Variants in INPP4B observed in about 807,000 individuals in gnomAD.
INPP4B encodes the protein inositol polyphosphate 4-phosphatase type II.
In INPP4B, 55 loss-of-function variants were observed where a neutral mutation model predicts 122.5. That is an observed-to-expected ratio of 0.45 (90% CI 0.36 to 0.56). INPP4B has a LOEUF of 0.56. Ranked by LOEUF, INPP4B falls within the 20% of genes least tolerant of loss-of-function variation. The pLI is 0.00. For synonymous variants in INPP4B, 403 were observed against 388.7 expected (o/e 1.04, Z -0.43); for missense variants, 1,000 against 1,097.7 (o/e 0.91, Z 1.26).
rs760618443 is a variant in INPP4B at position 142,123,297 on chromosome 4, G to A, written c.2012C>T (p.Thr671Ile). ...TGTACTAAAGCAATACTCACTGTAT[G>A]TACTTAGCAGTCCTTCATATTGTAC... is the stretch of plus-strand genomic sequence containing the variant. ...LIVQYEGLLS[T>I]YSDEIGMLED... The change falls in exon 20 of 26, where the codon ACA becomes ATA. Residue 671 changes from threonine (T) to isoleucine (I), a missense_variant. By Grantham distance (89) the Thr-to-Ile change is moderately conservative. Transcript: ENST00000262992. 4 of 1,610,174 alleles carry A rather than the reference G, an allele frequency of 2.5e-6. No individual in the cohort carries two copies. The African/African-American group carries it at 5.4e-5, about 22-fold the overall frequency.
intron 7 of INPP4B, among the ~76,000 whole-genome samples, chr4:142,354,777 G>A (rs749749639): frequency 2.0e-5 from 3 of 152,006 alleles, no homozygotes; most frequent in African/African-American, 7.2e-5. Context: ...GGAAAATTCT[G>A]CCTTCGCATA....
At chr4:142,249,886 G>A (rs1731088882) in intron 11 of INPP4B, among the ~76,000 whole-genome samples, 1 of 152,132 alleles carries the variant, frequency 6.6e-6, no homozygotes, top group Admixed American at 6.5e-5. Flanking sequence ...ATACAGTCAA[G>A]ATTCACTTCC....
intron 2 of INPP4B, among the ~76,000 whole-genome samples, chr4:142,536,795 T>A (rs1828248307): frequency 6.6e-6 from 1 of 152,060 alleles, no homozygotes; most frequent in African/African-American, 2.4e-5. Context: ...GGACAACCGT[T>A]CTTTTTTTCT....
chr4:142,038,622 G>C lies in INPP4B; in HGVS notation c.2643-9708C>G, dbSNP rs533891719. 9.1e-4 allele frequency among the ~76,000 whole-genome samples: 138 copies of C among 152,284 alleles called. 1 individual carries two copies. The South Asian group carries it at 0.011, about 12-fold the overall frequency. On this transcript the variant is annotated intron_variant, in intron 25 of 25. Coordinates refer to ENST00000262992, the MANE Select transcript of INPP4B (RefSeq NM_001101669.3). ...ACCAGAGCATGGTAACAAAGGTAATGATAGTGGGGTTTGGGAAACCTGGCA... is the reference window on the plus strand; with the variant it reads ...ACCAGAGCATGGTAACAAAGGTAATCATAGTGGGGTTTGGGAAACCTGGCA...
intron 2 of INPP4B, among the ~76,000 whole-genome samples, chr4:142,533,849 C>T (rs1827896070): frequency 6.6e-6 from 1 of 152,192 alleles, no homozygotes. Context: ...TGGTAGTCAT[C>T]AGTGCAAGTT....
At chr4:142,412,337 T>G (rs1174710664) in intron 5 of INPP4B, among the ~76,000 whole-genome samples, 1 of 152,144 alleles carries the variant, frequency 6.6e-6, no homozygotes, top group Non-Finnish European at 1.5e-5. Flanking sequence ...CTCCTTTGCC[T>G]TTTTTTGTTT....
In INPP4B at chr4:142,237,887, A is replaced by G; in HGVS notation, c.813T>C (p.Leu271=). 6.4e-7 allele frequency: 1 copy of G among 1,569,288 alleles called. No homozygotes were observed. Among genetic ancestry groups the G allele is most frequent in the Non-Finnish European group, 8.7e-7 (1 of 1,145,412 alleles). Residue 271 remains leucine (L), a synonymous_variant, in exon 12 of 26, where the codon CTT becomes CTC. Transcript: ENST00000262992. ...SFHIPKELIS[L]HIKEDLCRNQ... ...ACCTGCACAAATCTTCTTTAATGTG[A>G]AGGGAAATCAATTCCTTAGGAATAT...
chr4:142,646,486 C>A (rs938271939), intron 2 of INPP4B, among the ~76,000 whole-genome samples: 1 of 152,146 alleles, frequency 6.6e-6, no homozygotes, highest in African/African-American at 2.4e-5. Flanking sequence ...TGAAGTGATA[C>A]TTTCAAAACT....
At chr4:142,536,704 T>C (rs1318127907) in intron 2 of INPP4B, among the ~76,000 whole-genome samples, 1 of 152,120 alleles carries the variant, frequency 6.6e-6, no homozygotes, top group Non-Finnish European at 1.5e-5. Flanking sequence ...CCCAGAAGGC[T>C]TGAAACTTCC....
chr4:142,485,271 G>A (rs1207299855), intron 2 of INPP4B, among the ~76,000 whole-genome samples: 1 of 151,962 alleles, frequency 6.6e-6, no homozygotes, highest in Non-Finnish European at 1.5e-5. Context: ...CACTTCTTTG[G>A]AGTGAAAATT....
At chr4:142,517,133 C>T (rs1186576543) in intron 2 of INPP4B, among the ~76,000 whole-genome samples, 1 of 151,992 alleles carries the variant, frequency 6.6e-6, no homozygotes, top group African/African-American at 2.4e-5. Flanking sequence ...GCATACCAGG[C>T]CCAGGAAATA....
At chr4:142,544,571 G>A (rs1002644263) in intron 2 of INPP4B, among the ~76,000 whole-genome samples, 1 of 152,014 alleles carries the variant, frequency 6.6e-6, no homozygotes, top group African/African-American at 2.4e-5. Context: ...AAAGAATAAA[G>A]CAGATTATGA....
At chr4:142,795,894 A>C (rs2151076796) in intron 1 of INPP4B, among the ~76,000 whole-genome samples, 1 of 152,032 alleles carries the variant, frequency 6.6e-6, no homozygotes, top group East Asian at 1.9e-4. Flanking sequence ...CCTTTTTCTA[A>C]AACTTCCATA....
intron 15 of INPP4B, among the ~76,000 whole-genome samples, chr4:142,188,516 A>ATATATATATATAT (rs1381172815): frequency 4.1e-3 from 473 of 115,978 alleles, no homozygotes; most frequent in Non-Finnish European, 5.8e-3. Context: ...AAAAAGAAAA[A>ATATATATATATAT]AAATATATAT....
intron 2 of INPP4B, chr4:142,474,205 G>A (rs896602640): frequency 5.9e-5 from 9 of 151,838 alleles, no homozygotes; most frequent in African/African-American, 9.7e-5. Flanking sequence ...TTCTCACTAC[G>A]GGTAACCAGG....
At chr4:142,258,649 A>G (rs1255231404) in intron 11 of INPP4B, among the ~76,000 whole-genome samples, 1 of 152,238 alleles carries the variant, frequency 6.6e-6, no homozygotes, top group Non-Finnish European at 1.5e-5. Context: ...CAAAACCACA[A>G]TGAGATACCA....
At chr4:142,185,810 C>A (rs1407793028) in intron 15 of INPP4B, among the ~76,000 whole-genome samples, 2 of 146,350 alleles carry the variant, frequency 1.4e-5, no homozygotes, top group African/African-American at 5.1e-5. Context: ...ACCTGAGAGG[C>A]GGAGCTTGCA....
At chr4:142,205,347 A>T (rs1229484590) in intron 14 of INPP4B, among the ~76,000 whole-genome samples, 1 of 152,162 alleles carries the variant, frequency 6.6e-6, no homozygotes, top group Non-Finnish European at 1.5e-5. Flanking sequence ...ATGGCTGTAA[A>T]GCAAATTATC....
rs200657873 is a variant in INPP4B at position 142,215,892 on chromosome 4, C to CAAAA, written c.837-6870_837-6867dup. 5.0e-3 allele frequency among the ~76,000 whole-genome samples: 273 copies of CAAAA among 54,552 alleles called. 26 individuals carry two copies. The highest frequency in any genetic ancestry group is 9.6e-3 in the African/African-American group (128 of 13,296). 35.8% of individuals were successfully genotyped at this position (54,552 alleles called of 152,430 possible). On this transcript the variant is annotated intron_variant, in intron 12 of 25. Coordinates refer to ENST00000262992, the MANE Select transcript of INPP4B (RefSeq NM_001101669.3). ...TGGGCAACAGACCAAGACTCTGTCT[C>CAAAA]AAAAAAAAAAAAAAAAAAAAAAAAA...
Sources: gnomAD v4.1 joint callset for allele counts (sites outside exome capture counted in the v4.1 genomes callset) on GRCh38, gnomAD v4.1.1 for gene constraint, MANE v1.5 for transcripts, NCBI Gene and HGNC (gene_info 2026-07-23, HGNC 2026-07-21) for gene names.